Variants in PTPRR observed in about 807,000 individuals in gnomAD.
PTPRR encodes receptor-type tyrosine-protein phosphatase R.
PTPRR carries 38 observed loss-of-function variants against 77.2 expected under a neutral mutation model. That is an observed-to-expected ratio of 0.49 (90% CI 0.38 to 0.65). The LOEUF (loss-of-function observed/expected upper bound fraction) is 0.65. PTPRR is among the 30% of genes least tolerant of loss of function. The probability of loss-of-function intolerance (pLI) is 0.00; values close to 1 mark genes in which losing one functional copy is unlikely to be tolerated. For synonymous variants in PTPRR, 299 were observed against 283.1 expected, an observed-to-expected ratio of 1.06 and a Z score of -0.57; for missense variants, 744 against 799.2, an observed-to-expected ratio of 0.93 and a Z score of 0.83.
chr12:70,796,768 G>T (rs192140150), intron 2 of PTPRR, among the ~76,000 whole-genome samples: 1 of 151,602 alleles, frequency 6.6e-6, no homozygotes, highest in East Asian at 1.9e-4. Context: ...GGTGGCTCAC[G>T]CCTGTAATCC....
intron 6 of PTPRR, among the ~76,000 whole-genome samples, chr12:70,713,357 ATTTGTG>A (rs1888900473): frequency 6.6e-6 from 1 of 152,102 alleles, no homozygotes. Flanking sequence ...TGCTACGAAC[ATTTGTG>A]TTTAAGTTTT....
Position 70,781,188 on chromosome 12 carries a change from C to T in PTPRR, c.358-16410G>A, listed in dbSNP as rs530746484. On this transcript the variant is annotated intron_variant, in intron 2 of 13. Transcript: ENST00000283228. ...ATGTCTTGGTCCACTAAAACACCAA[C>T]ATATGGCACCAAAAAGTCAGACAAA... Among the ~76,000 whole-genome samples the T allele has an allele frequency of 3.3e-5, 5 of 152,322 alleles. No individual in the cohort carries two copies. In the South Asian group the frequency reaches 1.0e-3, roughly 32 times the overall value.
At chr12:70,666,957 TTTTTTTTTTTTTTTTTG>T (rs1887029020) in intron 10 of PTPRR, among the ~76,000 whole-genome samples, 2 of 95,806 alleles carry the variant, frequency 2.1e-5, no homozygotes, top group Admixed American at 1.1e-4. Context: ...TTTTTTTTTT[TTTTTTTTTTTTTTTTTG>T]AGACGGAGTC....
chr12:70,855,766 T>G (rs1000136308), intron 2 of PTPRR, among the ~76,000 whole-genome samples: 1 of 152,210 alleles, frequency 6.6e-6, no homozygotes, highest in Non-Finnish European at 1.5e-5. Context: ...GAAAAGTTAT[T>G]CGTTTTTAAG....
Position 70,684,750 on chromosome 12 carries a change from T to G in PTPRR, c.1313A>C (p.Asn438Thr). ...GTAGGTGCTCAATGAATCGGTTACATTTTTTGGTCTTAAACACACTCTGCT... is the reference window on the plus strand; with the variant it reads ...GTAGGTGCTCAATGAATCGGTTACAGTTTTTGGTCTTAAACACACTCTGCT... ...PLSRVCLRPK[N>T]VTDSLSTYIN... Residue 438 changes from asparagine to threonine, a missense_variant, in exon 9 of 14, where the codon AAT becomes ACT. Physicochemically the swap from Asn to Thr is moderately conservative, Grantham distance 65. Around this residue, in one of 3 missense-constraint regions of PTPRR, gnomAD observed 570 missense variants for 573.2 expected, o/e 0.99. Coordinates refer to ENST00000283228, the MANE Select transcript of PTPRR (RefSeq NM_002849.4). 1 of 1,605,108 alleles carries G rather than the reference T, an allele frequency of 6.2e-7. No individual in the cohort carries two copies. Among genetic ancestry groups the G allele is most frequent in the Non-Finnish European group, 8.5e-7 (1 of 1,173,610 alleles).
rs923130199 is a variant in PTPRR at position 70,861,143 on chromosome 12, G to A, written c.357+31536C>T. Reference sequence around the variant, plus strand: ...TCCTGCAAACTAGAATTAGAGTAGGGCAAGACTAATATAAACTAACAGTGT... The same window carrying A: ...TCCTGCAAACTAGAATTAGAGTAGGACAAGACTAATATAAACTAACAGTGT... On this transcript the variant is annotated intron_variant, in intron 2 of 13. Coordinates refer to ENST00000283228, the MANE Select transcript of PTPRR (RefSeq NM_002849.4). Among the ~76,000 whole-genome samples, 8 of 152,202 alleles carry A rather than the reference G, an allele frequency of 5.3e-5. No homozygotes were observed. In the South Asian group the frequency reaches 1.7e-3, roughly 32 times the overall value.
At chr12:70,776,954 T>C (rs1291040907) in intron 2 of PTPRR, among the ~76,000 whole-genome samples, 6 of 152,164 alleles carry the variant, frequency 3.9e-5, no homozygotes, top group African/African-American at 1.4e-4. Context: ...TTCCCCTTCC[T>C]AGCCCTTCAT....
intron 2 of PTPRR, among the ~76,000 whole-genome samples, chr12:70,852,780 C>T (rs1456308437): frequency 6.6e-6 from 1 of 152,196 alleles, no homozygotes; most frequent in Non-Finnish European, 1.5e-5. Context: ...CTTCTACATA[C>T]TTGCTCATAT....
At chr12:70,709,446 A>G (rs1888742146) in intron 6 of PTPRR, among the ~76,000 whole-genome samples, 1 of 152,170 alleles carries the variant, frequency 6.6e-6, no homozygotes, top group Non-Finnish European at 1.5e-5. Context: ...TCAACATAGT[A>G]TTGGATGTCC....
At chr12:70,653,122 G>T (rs1886456043) in intron 13 of PTPRR, among the ~76,000 whole-genome samples, 1 of 152,112 alleles carries the variant, frequency 6.6e-6, no homozygotes, top group Non-Finnish European at 1.5e-5. Context: ...GTATGAACTG[G>T]AGTCCCCGGG....
intron 2 of PTPRR, among the ~76,000 whole-genome samples, chr12:70,886,916 GAGACAT>G (rs771395595): frequency 2.0e-5 from 3 of 152,104 alleles, no homozygotes; most frequent in Non-Finnish European, 4.4e-5. Flanking sequence ...CGGGAAGAAA[GAGACAT>G]AAAAGATATT....
intron 2 of PTPRR, among the ~76,000 whole-genome samples, chr12:70,826,625 T>C (rs562753712): frequency 6.6e-6 from 1 of 152,366 alleles, no homozygotes; most frequent in South Asian, 2.1e-4. Flanking sequence ...TAGAAGCACG[T>C]GTAAACTTGT....
At chr12:70,660,033 C>A (rs1380566583) in intron 12 of PTPRR, among the ~76,000 whole-genome samples, 1 of 151,760 alleles carries the variant, frequency 6.6e-6, no homozygotes, top group Non-Finnish European at 1.5e-5. Context: ...AAAAATTAGC[C>A]AGGCGTGGTG....
intron 6 of PTPRR, among the ~76,000 whole-genome samples, chr12:70,740,259 G>A (rs1035620249): frequency 1.3e-5 from 2 of 152,148 alleles, no homozygotes; most frequent in African/African-American, 4.8e-5. Flanking sequence ...GGTCCAAGGT[G>A]ATGATTACAG....
chr12:70,688,997 G>C (rs772754786), intron 8 of PTPRR, among the ~76,000 whole-genome samples: 12 of 146,522 alleles, frequency 8.2e-5, no homozygotes, highest in Non-Finnish European at 1.8e-4. Flanking sequence ...TAGAAATAGA[G>C]AGTAGAATGG....
rs1253399778 is a variant in PTPRR, at chr12:70,639,016, A to G, written c.*168T>C. The G allele has an allele frequency of 3.1e-6, 2 of 639,454 alleles. No individual in the cohort carries two copies. The highest frequency in any genetic ancestry group is 5.5e-6 in the Non-Finnish European group (2 of 361,996). The allele number at this position is 639,454 out of a possible 1,614,324, so 39.6% of individuals were successfully genotyped here. A position where few individuals can be genotyped will look rare whatever the true frequency, so the allele number is the denominator to read the frequency against. ...GCTTACAAATGCATTCATATACACA[A>G]GGAGCTGGAAATCTTAAATATGTTG... On this transcript the variant is annotated 3_prime_UTR_variant, in exon 14 of 14. Transcript: ENST00000283228.
chr12:70,671,948 A>C, intron 10 of PTPRR: 1 of 1,092,454 alleles, frequency 9.2e-7, no homozygotes, highest in South Asian at 1.4e-5. Flanking sequence ...AAGGTTGCTC[A>C]CAGCTCTGCT....
intron 2 of PTPRR, among the ~76,000 whole-genome samples, chr12:70,855,988 A>C (rs1337651099): frequency 2.6e-5 from 4 of 152,170 alleles, no homozygotes; most frequent in Admixed American, 1.3e-4. Flanking sequence ...TGTCACCCAA[A>C]ACCCACAGCA....
intron 6 of PTPRR, among the ~76,000 whole-genome samples, chr12:70,720,962 T>C (rs1889229117): frequency 6.6e-6 from 1 of 152,222 alleles, no homozygotes; most frequent in South Asian, 2.1e-4. Flanking sequence ...TTTGCCTATA[T>C]AGAGGTGCTC....
Sources: allele counts gnomAD v4.1 joint callset (sites outside exome capture counted in the v4.1 genomes callset), GRCh38; gene constraint gnomAD v4.1.1; regional missense constraint gnomAD v4.1.1; transcripts MANE v1.5; gene names NCBI Gene and HGNC (gene_info 2026-07-23, HGNC 2026-07-21).